The following TOX2 variants were observed in gnomAD, a reference collection of about 807,000 sequenced individuals.
TOX2 encodes TOX high mobility group box family member 2.
In TOX2, 15 loss-of-function variants were observed where a neutral mutation model predicts 47.4. That is an observed-to-expected ratio of 0.32 (90% CI 0.21 to 0.49). TOX2 has a LOEUF of 0.49. Ranked by LOEUF, TOX2 falls within the 20% of genes least tolerant of loss-of-function variation. TOX2 has a pLI of 0.99. For synonymous variants in TOX2, 290 were observed against 296.6 expected (o/e 0.98, Z 0.23); for missense variants, 622 against 673.1 (o/e 0.92, Z 0.84).
At chr20:44,039,204 G>T in intron 3 of TOX2, 1 of 1,284,378 alleles carries the variant, frequency 7.8e-7, no homozygotes, top group Non-Finnish European at 1.0e-6. Flanking sequence ...GAGAGGGAAG[G>T]CTTCTCTGAG....
intron 1 of TOX2, among the ~76,000 whole-genome samples, chr20:43,952,874 G>A (rs2069604729): frequency 6.6e-6 from 1 of 152,148 alleles, no homozygotes; most frequent in Non-Finnish European, 1.5e-5. Context: ...TTTGAAACCT[G>A]TGTATGTTAC....
chr20:43,988,606 T>C (rs570523889), intron 2 of TOX2, among the ~76,000 whole-genome samples: 1 of 152,364 alleles, frequency 6.6e-6, no homozygotes, highest in South Asian at 2.1e-4. Flanking sequence ...GTTTATTTGC[T>C]TAATGGCTGC....
At chr20:43,992,346 C>T (rs941825448) in intron 2 of TOX2, among the ~76,000 whole-genome samples, 1 of 152,014 alleles carries the variant, frequency 6.6e-6, no homozygotes, top group Non-Finnish European at 1.5e-5. Flanking sequence ...CGTGTAGGAG[C>T]GATCGTGTAG....
chr20:43,984,996 T>C (rs967296925), intron 2 of TOX2, among the ~76,000 whole-genome samples: 2 of 152,084 alleles, frequency 1.3e-5, no homozygotes, highest in Admixed American at 6.5e-5. Context: ...ATTTTATACA[T>C]TGTTCATTGC....
chr20:43,987,913 T>TG (rs1491204114), intron 2 of TOX2, among the ~76,000 whole-genome samples: 1 of 70,384 alleles, frequency 1.4e-5, no homozygotes, highest in Non-Finnish European at 3.1e-5. Flanking sequence ...TATCAACATC[T>TG]TTTTTTTTTT....
At chr20:44,046,479 A>G (rs893949044) in intron 3 of TOX2, among the ~76,000 whole-genome samples, 3 of 152,228 alleles carry the variant, frequency 2.0e-5, no homozygotes, top group Non-Finnish European at 4.4e-5. Flanking sequence ...AGAGAATTGA[A>G]AGCAGAGTCT....
intron 3 of TOX2, among the ~76,000 whole-genome samples, chr20:44,043,629 C>T (rs548059698): frequency 9.5e-4 from 144 of 152,306 alleles, no homozygotes; most frequent in Admixed American, 3.9e-3. Flanking sequence ...GAATACACCA[C>T]AGATTTTCGC....
rs570357562 is a variant in TOX2 at position 44,006,908 on chromosome 20, G to T, written c.411+116G>T. 2.2e-5 allele frequency: 31 copies of T among 1,410,372 alleles called. No individual in the cohort carries two copies. In the South Asian group the frequency reaches 4.3e-4, roughly 19 times the overall value. The allele number at this position is 1,410,372 out of a possible 1,614,324, so 87.4% of individuals were successfully genotyped here. ...ACTCTCTGCTCATGGGCAGGGTCTGGGTTTACCTGGTTGCTTGGAGTTGGT... is the reference window on the plus strand; with the variant it reads ...ACTCTCTGCTCATGGGCAGGGTCTGTGTTTACCTGGTTGCTTGGAGTTGGT... On this transcript the variant is annotated intron_variant, in intron 3 of 8. Transcript: ENST00000341197.
intron 1 of TOX2, among the ~76,000 whole-genome samples, chr20:43,917,925 C>A (rs574232016): frequency 6.6e-6 from 1 of 152,154 alleles, no homozygotes; most frequent in Non-Finnish European, 1.5e-5. Context: ...TCTGTGGCTC[C>A]ATGCTGGGAA....
At chr20:44,059,263 A>G (rs1327039565) in intron 5 of TOX2, among the ~76,000 whole-genome samples, 4 of 152,218 alleles carry the variant, frequency 2.6e-5, no homozygotes, top group African/African-American at 9.6e-5. Context: ...GAACAAGTAG[A>G]AGAAAGAACT....
At chr20:44,049,526 C>A (rs1234829474) in intron 3 of TOX2, among the ~76,000 whole-genome samples, 1 of 152,162 alleles carries the variant, frequency 6.6e-6, no homozygotes, top group African/African-American at 2.4e-5. Context: ...GGTATATATG[C>A]AGGATGTGCA....
intron 1 of TOX2, among the ~76,000 whole-genome samples, chr20:43,921,075 G>A (rs1226077609): frequency 6.6e-6 from 1 of 152,188 alleles, no homozygotes; most frequent in Non-Finnish European, 1.5e-5. Context: ...ACTTTGTGGG[G>A]CACAAGGAGC....
intron 4 of TOX2, among the ~76,000 whole-genome samples, chr20:44,053,575 ATATATATAC>A (rs1171603265): frequency 2.3e-5 from 3 of 128,852 alleles, no homozygotes; most frequent in Non-Finnish European, 3.3e-5. Flanking sequence ...ATACACACAC[ATATATATAC>A]TATATATACA....
chr20:43,967,672 T>A (rs539854799), intron 1 of TOX2, among the ~76,000 whole-genome samples: 92 of 152,258 alleles, frequency 6.0e-4, no homozygotes, highest in South Asian at 3.9e-3. Context: ...CAACCACCCA[T>A]CTATTTGTCC....
chr20:43,927,921 T>C lies in TOX2; in HGVS notation c.99+12931T>C, dbSNP rs1304943559. On this transcript the variant is annotated intron_variant, in intron 1 of 8. Coordinates refer to ENST00000341197, the MANE Select transcript of TOX2 (RefSeq NM_001098797.2). ...CTTTTCCTTGAGAAGCATGATCTTATTAGAGAGACAGAAATAAACAATTTC... is the reference window on the plus strand; with the variant it reads ...CTTTTCCTTGAGAAGCATGATCTTACTAGAGAGACAGAAATAAACAATTTC... 3.3e-5 allele frequency among the ~76,000 whole-genome samples: 5 copies of C among 151,946 alleles called. No individual in the cohort carries two copies. The East Asian group carries it at 9.7e-4, about 29-fold the overall frequency.
At chr20:43,920,635 T>C (rs1026377060) in intron 1 of TOX2, among the ~76,000 whole-genome samples, 6 of 152,314 alleles carry the variant, frequency 3.9e-5, no homozygotes, top group African/African-American at 1.4e-4. Flanking sequence ...GATGTTTGCA[T>C]GGCAGGACCA....
intron 7 of TOX2, 36 bp downstream of exon 7, chr20:44,066,143 C>A (rs73908523): frequency 6.7e-7 from 1 of 1,492,726 alleles, no homozygotes; most frequent in Non-Finnish European, 8.9e-7. Context: ...CTTCTGTGAC[C>A]GTGTGGGGAG....
intron 3 of TOX2, among the ~76,000 whole-genome samples, chr20:44,031,724 TGAA>T (rs1300803579): frequency 4.6e-5 from 7 of 152,092 alleles, no homozygotes; most frequent in Non-Finnish European, 1.0e-4. Context: ...AAGTGGGCTC[TGAA>T]CCTTGGCAAG....
chr20:44,028,787 C>T (rs1177945628), intron 3 of TOX2, among the ~76,000 whole-genome samples: 1 of 152,184 alleles, frequency 6.6e-6, no homozygotes, highest in Non-Finnish European at 1.5e-5. Context: ...AACTGAAGAT[C>T]AAATTCAGGA....
Sources: gnomAD v4.1 joint callset for allele counts (sites outside exome capture counted in the v4.1 genomes callset) on GRCh38, gnomAD v4.1.1 for gene constraint, MANE v1.5 for transcripts, NCBI Gene and HGNC (gene_info 2026-07-23, HGNC 2026-07-21) for gene names.